The following PTPRN2 variants were observed in gnomAD, a reference collection of about 807,000 sequenced individuals.
PTPRN2 encodes protein tyrosine phosphatase receptor type N2.
In PTPRN2, 74 loss-of-function variants were observed where a neutral mutation model predicts 118.8. That is an observed-to-expected ratio of 0.62 (90% CI 0.52 to 0.76). The LOEUF is 0.76. PTPRN2 is among the 30% of genes least tolerant of loss of function. PTPRN2 has a pLI of 0.00. For synonymous variants in PTPRN2, 641 were observed against 608.0 expected (o/e 1.05, Z -0.80); for missense variants, 1,481 against 1,394.4 (o/e 1.06, Z -0.99).
intron 2 of PTPRN2, among the ~76,000 whole-genome samples, chr7:158,370,860 A>T (rs1234770308): frequency 6.6e-6 from 1 of 152,248 alleles, no homozygotes; most frequent in Non-Finnish European, 1.5e-5. Flanking sequence ...ACTTCCAAAG[A>T]TGCTCATCTG....
intron 2 of PTPRN2, among the ~76,000 whole-genome samples, chr7:158,317,189 T>G (rs1802405987): frequency 6.6e-6 from 1 of 152,242 alleles, no homozygotes; most frequent in African/African-American, 2.4e-5. Flanking sequence ...TCACTCCACT[T>G]TCCTCCATAC....
intron 3 of PTPRN2, among the ~76,000 whole-genome samples, chr7:158,304,816 T>G (rs1232778655): frequency 1.3e-5 from 2 of 152,188 alleles, no homozygotes; most frequent in African/African-American, 4.8e-5. Flanking sequence ...ATGGTCAATG[T>G]TTATCAGACT....
At chr7:158,122,891 A>C (rs553444440) in intron 9 of PTPRN2, among the ~76,000 whole-genome samples, 1 of 152,138 alleles carries the variant, frequency 6.6e-6, no homozygotes, top group Non-Finnish European at 1.5e-5. Context: ...AAACTTCTCC[A>C]CGTCTCATTT....
intron 12 of PTPRN2, among the ~76,000 whole-genome samples, chr7:157,851,388 T>C (rs1056500318): frequency 6.6e-6 from 1 of 152,218 alleles, no homozygotes; most frequent in African/African-American, 2.4e-5. Context: ...CTTTCTTTAA[T>C]ACAAATATAG....
At chr7:158,345,962 G>C (rs547356683) in intron 2 of PTPRN2, among the ~76,000 whole-genome samples, 2 of 152,120 alleles carry the variant, frequency 1.3e-5, no homozygotes, top group Non-Finnish European at 2.9e-5. Flanking sequence ...GAAACCACCC[G>C]CATGATCCAG....
chr7:158,287,566 CTTCTTTGACATATTGGTGG>C (rs1799847071), intron 3 of PTPRN2, among the ~76,000 whole-genome samples: 1 of 151,784 alleles, frequency 6.6e-6, no homozygotes, highest in South Asian at 2.1e-4. Context: ...TTTTTAATTT[CTTCTTTGACATATTGGTGG>C]TTCAGAAGCA....
intron 10 of PTPRN2, among the ~76,000 whole-genome samples, chr7:158,098,528 C>G (rs1032378212): frequency 6.6e-6 from 1 of 152,192 alleles, no homozygotes; most frequent in African/African-American, 2.4e-5. Context: ...CTTCCGACAG[C>G]GAAGGCGGTG....
chr7:158,222,684 A>T (rs1274361247), intron 3 of PTPRN2, among the ~76,000 whole-genome samples: 1 of 152,222 alleles, frequency 6.6e-6, no homozygotes, highest in Non-Finnish European at 1.5e-5. Context: ...CAATTCACCC[A>T]TGCATATGTA....
At chr7:157,938,294 G>C (rs367561019) in intron 11 of PTPRN2, among the ~76,000 whole-genome samples, 1 of 152,340 alleles carries the variant, frequency 6.6e-6, no homozygotes, top group African/African-American at 2.4e-5. Context: ...GGGAGACATC[G>C]CACAGGAGCG....
Position 158,090,798 on chromosome 7 carries a change from G to A in PTPRN2, c.1644-9421C>T, listed in dbSNP as rs950117217. Among the ~76,000 whole-genome samples the A allele has an allele frequency of 3.3e-5, 5 of 152,130 alleles. No homozygotes were observed. In the South Asian group the frequency reaches 1.0e-3, roughly 32 times the overall value. ...ATCTCTTTTTCCCCTACTTTTATGA[G>A]TGAAATAATTTAAAAATACATATAA... On this transcript the variant is annotated intron_variant, in intron 10 of 22. Transcript: ENST00000389418.
intron 2 of PTPRN2, among the ~76,000 whole-genome samples, chr7:158,457,449 C>A (rs113763651): frequency 8.3e-4 from 124 of 149,148 alleles, no homozygotes; most frequent in African/African-American, 2.7e-3. Context: ...GCCTGCGGGA[C>A]CACAGCGGAT....
intron 10 of PTPRN2, among the ~76,000 whole-genome samples, chr7:158,103,053 T>C (rs1457966837): frequency 6.6e-6 from 1 of 152,152 alleles, no homozygotes; most frequent in Admixed American, 6.5e-5. Context: ...AAGGCCTGGG[T>C]GTCCAGACAT....
chr7:157,605,510 A>C (rs1801951587), intron 15 of PTPRN2, among the ~76,000 whole-genome samples: 1 of 152,222 alleles, frequency 6.6e-6, no homozygotes, highest in Admixed American at 6.5e-5. Context: ...TTTGTGCTAC[A>C]GCTCTTCTAG....
chr7:157,854,829 C>G (rs537313126), intron 12 of PTPRN2: 1 of 160,584 alleles, frequency 6.2e-6, no homozygotes, highest in Admixed American at 6.5e-5. Context: ...ACAGAGCAGG[C>G]TGCCATGTCC....
At chr7:157,860,636 C>T (rs1810164436) in intron 12 of PTPRN2, among the ~76,000 whole-genome samples, 1 of 152,250 alleles carries the variant, frequency 6.6e-6, no homozygotes, top group Admixed American at 6.5e-5. Flanking sequence ...TGTTCTTTAA[C>T]GATGCCTTTT....
At position 157,763,302 on chromosome 7, in the gene PTPRN2, C is replaced by T. The variant is rs986876255; in HGVS notation, c.1789-80365G>A. Among the ~76,000 whole-genome samples, 2 of 152,210 alleles carry T rather than the reference C, an allele frequency of 1.3e-5. No homozygotes were observed. The highest frequency in any genetic ancestry group is 4.8e-5 in the African/African-American group (2 of 41,456). ...TGATGTGCCCTCCTCATTTTTCTCT[C>T]CCTTCCCTTTTCCAACAAAAGCTCA... On this transcript the variant is annotated intron_variant, in intron 12 of 22. Transcript: ENST00000389418. The surrounding 1 kb of genome is among the most constrained non-coding windows in gnomAD (Gnocchi z 4.9).
At chr7:158,303,168 C>CAAAAAAAAAAAAAAA (rs542953447) in intron 3 of PTPRN2, among the ~76,000 whole-genome samples, 2 of 119,856 alleles carry the variant, frequency 1.7e-5, no homozygotes, top group African/African-American at 6.0e-5. Flanking sequence ...ACTAACCCAC[C>CAAAAAAAAAAAAAAA]AAAAAAAAAA....
intron 12 of PTPRN2, 53 bp from the exon 13 acceptor site, chr7:157,682,990 T>A: frequency 7.0e-7 from 1 of 1,432,268 alleles, no homozygotes. Context: ...CATGACCTCC[T>A]AAAAACACAC....
At chr7:158,206,764 G>A (rs976185159) in intron 3 of PTPRN2, among the ~76,000 whole-genome samples, 2 of 151,736 alleles carry the variant, frequency 1.3e-5, no homozygotes, top group African/African-American at 4.8e-5. Context: ...GATTAAAAAC[G>A]TAGATCACAG....
Sources: allele counts gnomAD v4.1 joint callset (sites outside exome capture counted in the v4.1 genomes callset), GRCh38; gene constraint gnomAD v4.1.1; non-coding constraint Gnocchi (gnomAD v3.1); transcripts MANE v1.5; gene names NCBI Gene and HGNC (gene_info 2026-07-23, HGNC 2026-07-21).